The following PIK3R6 variants were observed in gnomAD, a reference collection of about 807,000 sequenced individuals.
PIK3R6 encodes phosphoinositide-3-kinase regulatory subunit 6.
A neutral mutation model predicts 84.9 loss-of-function variants in PIK3R6; 91 were observed. The ratio of observed to expected loss-of-function variants is 1.07; its 90% CI spans 0.90 to 1.28. PIK3R6 has a LOEUF of 1.28. Ranked by LOEUF, PIK3R6 falls within the 50% of genes most tolerant of loss-of-function variation. The pLI is 0.00. For missense variants in PIK3R6, 996 were observed against 985.1 expected, an observed-to-expected ratio of 1.01 and a Z score of -0.15; for synonymous variants, 416 against 411.4, an observed-to-expected ratio of 1.01 and a Z score of -0.13.
At chr17:8,813,662 A>G (rs55705613) in intron 18 of PIK3R6, among the ~76,000 whole-genome samples, 5,727 of 152,278 alleles carry the variant, frequency 0.038, 374 homozygotes, top group African/African-American at 0.13. Flanking sequence ...AAAATTATGC[A>G]ATTGTATTAA....
intron 13 of PIK3R6, 70 bp from the exon 14 acceptor site, chr17:8,823,567 G>A: frequency 9.1e-7 from 1 of 1,094,742 alleles, no homozygotes; most frequent in Non-Finnish European, 1.4e-6. Flanking sequence ...ATTTTCTTCA[G>A]AGAGAAACTT....
chr17:8,826,972 T>A (rs1429049427), intron 13 of PIK3R6, among the ~76,000 whole-genome samples, 200 bp downstream of exon 13: 1 of 152,064 alleles, frequency 6.6e-6, no homozygotes, highest in Admixed American at 6.5e-5. Flanking sequence ...CACTATCTGG[T>A]TAGGGCCCCT....
intron 1 of PIK3R6, among the ~76,000 whole-genome samples, chr17:8,858,287 C>T (rs1946959613): frequency 6.7e-6 from 1 of 150,304 alleles, no homozygotes; most frequent in Non-Finnish European, 1.5e-5. Context: ...CAAACCATGC[C>T]TCTGAATGTT....
At chr17:8,856,159 G>A (rs186116599) in intron 1 of PIK3R6, among the ~76,000 whole-genome samples, 412 of 152,352 alleles carry the variant, frequency 2.7e-3, no homozygotes, top group Non-Finnish European at 4.8e-3. Flanking sequence ...TCAGATAAAG[G>A]AGTCTTTATC....
chr17:8,865,292 G>C (rs1473979408), intron 1 of PIK3R6, among the ~76,000 whole-genome samples: 1 of 152,180 alleles, frequency 6.6e-6, no homozygotes, highest in African/African-American at 2.4e-5. Context: ...TCTCGGACAA[G>C]CTGTTCAGAC....
chr17:8,833,005 A>T lies in PIK3R6; in HGVS notation c.686T>A (p.Val229Glu). Residue 229 changes from valine to glutamate, a missense_variant, in exon 9 of 20, where the codon GTG becomes GAG. Coordinates refer to ENST00000619866, the MANE Select transcript of PIK3R6 (RefSeq NM_001010855.4). ...RRTLEHYFHAVVAALEQMASE... is the reference protein window; with the variant it reads ...RRTLEHYFHAEVAALEQMASE... ...GGCCATCTGCTCCAAGGCGGCCACC[A>T]CGGCGTGGAAATAGTGCTCCAGGGT... 6.2e-7 allele frequency: 1 copy of T among 1,610,028 alleles called. No homozygotes were observed. Among genetic ancestry groups the T allele is most frequent in the Middle Eastern group, 1.7e-4 (1 of 6,058 alleles).
Position 8,839,768 on chromosome 17 carries a change from C to T in PIK3R6, c.14-71G>A, listed in dbSNP as rs145210756. On this transcript the variant is annotated intron_variant, in intron 2 of 19. Coordinates refer to ENST00000619866, the MANE Select transcript of PIK3R6 (RefSeq NM_001010855.4). The surrounding 1 kb of genome is among the most constrained non-coding windows in gnomAD (Gnocchi z 4.2). Reference sequence around the variant, plus strand: ...ACCCTCGTCCCACCTCCATTCCTTCCGAGAGTGTCTTTAGCCATTTCTCTG... The same window carrying T: ...ACCCTCGTCCCACCTCCATTCCTTCTGAGAGTGTCTTTAGCCATTTCTCTG... The T allele has an allele frequency of 1.6e-3, 2,012 of 1,296,982 alleles. 26 individuals carry two copies. The African/African-American group carries it at 0.026, about 17-fold the overall frequency. 80.3% of individuals were successfully genotyped at this position (1,296,982 alleles called of 1,614,324 possible). A position where few individuals can be genotyped will look rare whatever the true frequency, so the allele number is the denominator to read the frequency against.
intron 2 of PIK3R6, among the ~76,000 whole-genome samples, chr17:8,847,902 C>T (rs560960668): frequency 6.6e-6 from 1 of 152,270 alleles, no homozygotes; most frequent in East Asian, 1.9e-4. Flanking sequence ...AATCATCTGC[C>T]ACACCTTTGG....
rs1175076116 is a variant in PIK3R6 at position 8,839,645 on chromosome 17, G to T, written c.66C>A (p.Ser22Arg). The T allele has an allele frequency of 6.3e-7, 1 of 1,579,424 alleles. No individual in the cohort carries two copies. Among genetic ancestry groups the T allele is most frequent in the South Asian group, 1.2e-5 (1 of 86,038 alleles). The change falls in exon 3 of 20, where the codon AGC becomes AGA. Residue 22 changes from serine to arginine, a missense_variant. Physicochemically the swap from Ser to Arg is moderately radical, Grantham distance 110 (BLOSUM62 -1). Transcript: ENST00000619866. This position sits in a 1 kb window ranked among gnomAD's most constrained non-coding sequence, Gnocchi z 4.2. ...TGCTCTGCAGGGCAGGGGCCTGGGT[G>T]CTGAGCTCCCGGAGCACAGCCTGCA... ...RSVQAVLRELSTQAPALQSNQ... is the reference protein window; with the variant it reads ...RSVQAVLRELRTQAPALQSNQ...
intron 2 of PIK3R6, among the ~76,000 whole-genome samples, chr17:8,843,218 G>GTGCA (rs1314896609): frequency 6.6e-6 from 1 of 152,208 alleles, no homozygotes; most frequent in African/African-American, 2.4e-5. Context: ...GATTTAATGA[G>GTGCA]TTAATGCAGG....
intron 1 of PIK3R6, among the ~76,000 whole-genome samples, chr17:8,852,553 C>T (rs900810117): frequency 3.3e-5 from 5 of 152,064 alleles, no homozygotes; most frequent in Admixed American, 1.3e-4. Context: ...GCCTGACCAA[C>T]GTGGTGAAAC....
At chr17:8,822,062 T>C in intron 16 of PIK3R6, 126 bp from the exon 17 acceptor site, 1 of 762,152 alleles carries the variant, frequency 1.3e-6, no homozygotes, top group Non-Finnish European at 2.0e-6. Context: ...CTTTTTTTTT[T>C]TTTTTTTTTG....
chr17:8,831,300 A>T (rs2151248783), intron 9 of PIK3R6, among the ~76,000 whole-genome samples: 1 of 130,644 alleles, frequency 7.7e-6, no homozygotes, highest in East Asian at 2.6e-4. Context: ...ACTGCACTCC[A>T]GCCTGGGTGA....
In PIK3R6 at chr17:8,833,032, C is replaced by T. The variant is rs150431776; in HGVS notation, c.659G>A (p.Arg220His). The change falls in exon 9 of 20, where the codon CGC becomes CAC. Residue 220 changes from arginine (R) to histidine (H), a missense_variant. Coordinates refer to ENST00000619866, the MANE Select transcript of PIK3R6 (RefSeq NM_001010855.4). The stretch of plus-strand genomic sequence containing the variant: ...GGCGTGGAAATAGTGCTCCAGGGTG[C>T]GGCGAGGGCTGGCCTGTTGGGGAGG... ...LHRKLQASPR[R>H]TLEHYFHAVV... 5.3e-5 allele frequency: 85 copies of T among 1,597,484 alleles called. No individual in the cohort carries two copies. In the East Asian group the frequency reaches 1.8e-3, roughly 34 times the overall value.
At chr17:8,828,084 C>A (rs370275678) in intron 12 of PIK3R6, 28 bp downstream of exon 12, 5 of 1,610,300 alleles carry the variant, frequency 3.1e-6, no homozygotes, top group Non-Finnish European at 4.2e-6. Flanking sequence ...GTCTCTGCCC[C>A]GCCACCGCCT....
intron 1 of PIK3R6, among the ~76,000 whole-genome samples, chr17:8,860,055 TA>T (rs1312508831): frequency 6.6e-6 from 1 of 152,228 alleles, no homozygotes; most frequent in Non-Finnish European, 1.5e-5. Context: ...CTGTCTAGTA[TA>T]TTTTTAAAAT....
rs554764734 is a variant in PIK3R6 at position 8,840,753 on chromosome 17, G to T, written c.14-1056C>A. On this transcript the variant is annotated intron_variant, in intron 2 of 19. Coordinates refer to ENST00000619866, the MANE Select transcript of PIK3R6 (RefSeq NM_001010855.4). ...TTTTGCCATTATTATTATTATTTTT[G>T]TGTGTGTGTGTGTGTGTGAGACGGA... is the stretch of plus-strand genomic sequence containing the variant. Among the ~76,000 whole-genome samples the T allele has an allele frequency of 6.7e-5, 10 of 148,674 alleles. No individual in the cohort carries two copies. The East Asian group carries it at 1.8e-3, about 26-fold the overall frequency.
At chr17:8,843,297 CCCTT>C (rs1029495535) in intron 2 of PIK3R6, among the ~76,000 whole-genome samples, 2 of 152,216 alleles carry the variant, frequency 1.3e-5, no homozygotes, top group African/African-American at 4.8e-5. Flanking sequence ...CTCTCTCCCT[CCCTT>C]CCTTCCTTTC....
chr17:8,826,947 G>A (rs1385003828), intron 13 of PIK3R6, among the ~76,000 whole-genome samples: 1 of 152,054 alleles, frequency 6.6e-6, no homozygotes, highest in Non-Finnish European at 1.5e-5. Flanking sequence ...TAAGTGTCCC[G>A]AGTGAGTTCA....
Sources: allele counts gnomAD v4.1 joint callset (sites outside exome capture counted in the v4.1 genomes callset), GRCh38; gene constraint gnomAD v4.1.1; non-coding constraint Gnocchi (gnomAD v3.1); transcripts MANE v1.5; gene names NCBI Gene and HGNC (gene_info 2026-07-23, HGNC 2026-07-21).